The following NCOA1 variants were observed in gnomAD, a reference collection of about 807,000 sequenced individuals.
NCOA1 encodes the protein Hin-2 protein.
Under a neutral mutation model 150.9 loss-of-function variants are expected in NCOA1, and 35 were observed. That is an observed-to-expected ratio of 0.23 (90% confidence interval 0.18 to 0.31). NCOA1 has a LOEUF of 0.31. Among genes scored for constraint, NCOA1 ranks in the 10% least tolerant of loss-of-function variants. NCOA1 has a pLI of 1.00. For missense variants in NCOA1, 1,491 were observed against 1,749.3 expected (o/e 0.85, Z 2.63); for synonymous variants, 590 against 630.0 (o/e 0.94, Z 0.95).
rs917087024 is a variant in NCOA1 at position 24,697,648 on chromosome 2, C to A, written c.809-10C>A. On this transcript the variant is annotated splice_polypyrimidine_tract_variant and intron_variant, in intron 10 of 22. Transcript: ENST00000348332. Reference sequence around the variant, plus strand: ...GCTGTTATAAATATAAACTTTCATTCTTTGTACAGGTAAAATCATCTCTAT... The same window carrying A: ...GCTGTTATAAATATAAACTTTCATTATTTGTACAGGTAAAATCATCTCTAT... 2 of 1,601,330 alleles carry A rather than the reference C, an allele frequency of 1.2e-6. No individual in the cohort carries two copies. The highest frequency in any genetic ancestry group is 1.7e-6 in the Non-Finnish European group (2 of 1,171,936).
chr2:24,627,114 TTTTGCTG>T, intron 3 of NCOA1, among the ~76,000 whole-genome samples: 1 of 133,156 alleles, frequency 7.5e-6, no homozygotes, highest in African/African-American at 2.6e-5. Flanking sequence ...TTTTTTTGTT[TTTTGCTG>T]TTTTTTTTTT....
chr2:24,497,513 A>T (rs1307025255), intron 1 of NCOA1, among the ~76,000 whole-genome samples: 1 of 152,138 alleles, frequency 6.6e-6, no homozygotes, highest in East Asian at 1.9e-4. Flanking sequence ...CTCTACTAAA[A>T]ATACAAAAAA....
chr2:24,510,798 A>C (rs563560177), intron 1 of NCOA1, among the ~76,000 whole-genome samples: 12 of 152,250 alleles, frequency 7.9e-5, no homozygotes, highest in Admixed American at 7.2e-4. Context: ...ACTGTGGTGA[A>C]ATATCTAGTA....
intron 1 of NCOA1, among the ~76,000 whole-genome samples, chr2:24,525,440 CGGAGATTT>C (rs1664612806): frequency 6.6e-6 from 1 of 152,002 alleles, no homozygotes; most frequent in South Asian, 2.1e-4. Context: ...AAAGCAGAAT[CGGAGATTT>C]GTAAGGAAAC....
rs746848871 is a variant in NCOA1 at position 24,728,326 on chromosome 2, A to G, written c.2736A>G (p.Gln912=). ...SKSEDQCISS[Q]LDELLCPPTT... ...CCTGCAGCCAGTGTATTAGCTCACA[A>G]TTAGATGAGCTTCTCTGTCCACCCA... The change falls in exon 16 of 23, where the codon CAA becomes CAG. Residue 912 remains glutamine (Q), a synonymous_variant. Transcript: ENST00000348332. 26 of 1,611,936 alleles carry G rather than the reference A, an allele frequency of 1.6e-5. No individual in the cohort carries two copies. The Admixed American group carries it at 3.2e-4, about 20-fold the overall frequency.
At chr2:24,570,686 A>G (rs1457753863) in intron 2 of NCOA1, among the ~76,000 whole-genome samples, 1 of 152,240 alleles carries the variant, frequency 6.6e-6, no homozygotes. Flanking sequence ...CTGCCCATGA[A>G]GTATTCTTGC....
At chr2:24,566,832 A>T (rs1666530492) in intron 2 of NCOA1, among the ~76,000 whole-genome samples, 1 of 152,198 alleles carries the variant, frequency 6.6e-6, no homozygotes, top group Admixed American at 6.5e-5. Flanking sequence ...TTGCTCCGAG[A>T]TTGGAGCAGG....
chr2:24,658,601 C>T (rs1283716014), intron 4 of NCOA1, 60 bp from the exon 5 acceptor site: 7 of 1,297,188 alleles, frequency 5.4e-6, no homozygotes, highest in Non-Finnish European at 7.8e-6. Flanking sequence ...AGCTTCCCTA[C>T]CTTTATTTGG....
chr2:24,605,030 T>C (rs984735223), intron 3 of NCOA1, among the ~76,000 whole-genome samples: 5 of 152,204 alleles, frequency 3.3e-5, no homozygotes, highest in African/African-American at 1.2e-4. Flanking sequence ...GCTGGTTTGG[T>C]GGAACAGTTA....
At position 24,518,471 on chromosome 2, in the gene NCOA1, A is replaced by G. The variant is rs376590256; in HGVS notation, c.-396+26869A>G. On this transcript the variant is annotated intron_variant, in intron 1 of 22. Coordinates refer to ENST00000348332, the MANE Select transcript of NCOA1 (RefSeq NM_003743.5). Reference sequence around the variant, plus strand: ...CTTCTTACCACTTTTCTTCCACATTATACTGGAGGTTCTAATCTGTATGAT... The same window carrying G: ...CTTCTTACCACTTTTCTTCCACATTGTACTGGAGGTTCTAATCTGTATGAT... Among the ~76,000 whole-genome samples, 10 of 152,258 alleles carry G rather than the reference A, an allele frequency of 6.6e-5. No individual in the cohort carries two copies. The South Asian group carries it at 1.7e-3, about 25-fold the overall frequency.
At chr2:24,537,290 T>C (rs1334079771) in intron 1 of NCOA1, among the ~76,000 whole-genome samples, 1 of 151,220 alleles carries the variant, frequency 6.6e-6, no homozygotes, top group African/African-American at 2.4e-5. Context: ...ACGAAAATTA[T>C]ATAAGCCTTG....
intron 18 of NCOA1, among the ~76,000 whole-genome samples, chr2:24,739,886 A>G (rs1392234765): frequency 1.3e-5 from 2 of 152,132 alleles, no homozygotes; most frequent in Non-Finnish European, 2.9e-5. Context: ...ACCCAGTCAC[A>G]TTGCTAAGCT....
At chr2:24,548,480 A>G (rs1333070727) in intron 1 of NCOA1, among the ~76,000 whole-genome samples, 1 of 152,204 alleles carries the variant, frequency 6.6e-6, no homozygotes, top group Non-Finnish European at 1.5e-5. Context: ...GCATCCTCAC[A>G]TTTCAAAACC....
At chr2:24,765,948 T>C (rs1289713294) in intron 22 of NCOA1, among the ~76,000 whole-genome samples, 3 of 150,502 alleles carry the variant, frequency 2.0e-5, no homozygotes, top group African/African-American at 7.3e-5. Flanking sequence ...TTGCCCACGC[T>C]GGAATGCAGT....
At chr2:24,495,337 C>T (rs935228747) in intron 1 of NCOA1, among the ~76,000 whole-genome samples, 29 of 152,020 alleles carry the variant, frequency 1.9e-4, no homozygotes, top group African/African-American at 6.5e-4. Context: ...TTTGAGGCTC[C>T]TTGGAGTGAT....
intron 22 of NCOA1, among the ~76,000 whole-genome samples, chr2:24,765,184 A>G (rs929021495): frequency 6.6e-6 from 1 of 151,894 alleles, no homozygotes; most frequent in Non-Finnish European, 1.5e-5. Flanking sequence ...CTCAAAAAAA[A>G]AAAAGAGAGA....
chr2:24,739,779 C>G (rs544157567), intron 18 of NCOA1, among the ~76,000 whole-genome samples: 1 of 148,966 alleles, frequency 6.7e-6, no homozygotes, highest in African/African-American at 2.4e-5. Context: ...TACCAGATGA[C>G]TAAGTAGAAA....
Position 24,768,596 on chromosome 2 carries a change from G to T in NCOA1, c.*205G>T, listed in dbSNP as rs1665186463. On this transcript the variant is annotated 3_prime_UTR_variant, in exon 23 of 23. Transcript: ENST00000348332. ...ATGTTTTTGTTTCTTTCTTTGTAAA[G>T]GCCTTGGATATTGAAAAAATACCAA... is the stretch of plus-strand genomic sequence containing the variant. The T allele has an allele frequency of 2.7e-6, 1 of 366,196 alleles. No homozygotes were observed. The highest frequency in any genetic ancestry group is 2.1e-5 in the African/African-American group (1 of 46,704). The allele number at this position is 366,196 out of a possible 1,614,324, so 22.7% of individuals were successfully genotyped here.
chr2:24,711,202 C>G, intron 14 of NCOA1, 91 bp downstream of exon 14: 2 of 1,254,094 alleles, frequency 1.6e-6, no homozygotes, highest in Non-Finnish European at 2.1e-6. Flanking sequence ...AGATCCTTTG[C>G]TTAAGAGTGA....
Sources: allele counts gnomAD v4.1 joint callset (sites outside exome capture counted in the v4.1 genomes callset), GRCh38; gene constraint gnomAD v4.1.1; transcripts MANE v1.5; gene names NCBI Gene and HGNC (gene_info 2026-07-23, HGNC 2026-07-21).